FTO: variants seen among roughly 807,000 people sequenced by gnomAD.
FTO encodes alpha-ketoglutarate-dependent dioxygenase FTO.
In FTO, 47 loss-of-function variants were observed where a neutral mutation model predicts 63.9. That is an observed-to-expected ratio of 0.74 (90% CI 0.58 to 0.94). The LOEUF (loss-of-function observed/expected upper bound fraction) is 0.94. Ranked by LOEUF, FTO falls within the 40% of genes least tolerant of loss-of-function variation. FTO has a pLI of 0.00. For synonymous variants in FTO, 207 were observed against 224.4 expected, an observed-to-expected ratio of 0.92 and a Z score of 0.69; for missense variants, 562 against 618.1, an observed-to-expected ratio of 0.91 and a Z score of 0.96.
chr16:53,978,119 A>G (rs1453172299), intron 8 of FTO, among the ~76,000 whole-genome samples: 1 of 152,206 alleles, frequency 6.6e-6, no homozygotes, highest in Admixed American at 6.5e-5. Flanking sequence ...GAGGTTAGAG[A>G]AGACACTATT....
intron 7 of FTO, among the ~76,000 whole-genome samples, chr16:53,899,654 A>T (rs1033234926): frequency 2.6e-5 from 4 of 152,174 alleles, no homozygotes; most frequent in Admixed American, 6.6e-5. Flanking sequence ...GGATGTTCAG[A>T]TGACCAGTTT....
intron 4 of FTO, among the ~76,000 whole-genome samples, chr16:53,851,626 A>G (rs1230897284): frequency 2.6e-5 from 4 of 152,172 alleles, no homozygotes; most frequent in African/African-American, 9.7e-5. Context: ...TTATGTTGAC[A>G]TATTTAAATA....
intron 4 of FTO, 74 bp downstream of exon 4, chr16:53,844,372 T>A: frequency 8.5e-7 from 1 of 1,182,400 alleles, no homozygotes; most frequent in Non-Finnish European, 1.3e-6. Flanking sequence ...ATATTTTGAG[T>A]ATGTCTTATG....
At position 53,910,321 on chromosome 16, in the gene FTO, G is replaced by T. The variant is rs190619917; in HGVS notation, c.1239+21370G>T. Among the ~76,000 whole-genome samples the T allele has an allele frequency of 2.3e-3, 351 of 152,240 alleles. 2 individuals carry two copies. Among genetic ancestry groups the T allele is most frequent in the African/African-American group, 8.2e-3 (341 of 41,548 alleles). ...TTAGAAATTTGGCCTTTGTTCTGGAGACAGTGGTTGGAGCTGGATTCAAAG... is the reference window on the plus strand; with the variant it reads ...TTAGAAATTTGGCCTTTGTTCTGGATACAGTGGTTGGAGCTGGATTCAAAG... On this transcript the variant is annotated intron_variant, in intron 7 of 8. Coordinates refer to ENST00000471389, the MANE Select transcript of FTO (RefSeq NM_001080432.3).
intron 7 of FTO, among the ~76,000 whole-genome samples, chr16:53,927,633 C>T (rs1163331665): frequency 1.3e-5 from 2 of 152,090 alleles, no homozygotes; most frequent in South Asian, 2.1e-4. Flanking sequence ...CTTGGGATAA[C>T]AACAGTTCCT....
chr16:54,038,641 G>A (rs1213229978), intron 8 of FTO, among the ~76,000 whole-genome samples: 1 of 152,194 alleles, frequency 6.6e-6, no homozygotes, highest in African/African-American at 2.4e-5. Context: ...TGTCCTTGCA[G>A]TAATGAGTGA....
intron 8 of FTO, among the ~76,000 whole-genome samples, chr16:54,010,944 G>C (rs1202190712): frequency 6.6e-6 from 1 of 152,156 alleles, no homozygotes; most frequent in East Asian, 1.9e-4. Flanking sequence ...ATCCCCGAAA[G>C]TAAGTGATAT....
intron 8 of FTO, among the ~76,000 whole-genome samples, chr16:54,086,011 A>C (rs189599396): frequency 6.6e-6 from 1 of 152,208 alleles, no homozygotes; most frequent in African/African-American, 2.4e-5. Flanking sequence ...CAGGAGGACT[A>C]CTTTAATCCC....
intron 8 of FTO, among the ~76,000 whole-genome samples, chr16:54,090,129 C>A (rs2086350118): frequency 6.6e-6 from 1 of 152,128 alleles, no homozygotes; most frequent in Non-Finnish European, 1.5e-5. Context: ...TGGAAACAAC[C>A]CACATATCCA....
At chr16:53,997,104 CTCTA>C (rs2143957958) in intron 8 of FTO, among the ~76,000 whole-genome samples, 1 of 142,254 alleles carries the variant, frequency 7.0e-6, no homozygotes, top group East Asian at 2.1e-4. Context: ...TGGAGCAAGA[CTCTA>C]TCTAAAGAAA....
Position 53,826,317 on chromosome 16 carries a change from A to C in FTO, c.577A>C (p.Ile193Leu), listed in dbSNP as rs1212033225. Reference protein sequence around the residue: ...SSYNGQDEVDIKSRAAYNVTL... With the variant: ...SSYNGQDEVDLKSRAAYNVTL... ...CTACAACGGACAAGATGAAGTGGAC[A>C]TTAAGAGCAGAGCAGCATACAACGT... Residue 193 changes from isoleucine to leucine, a missense_variant, in exon 3 of 9, where the codon ATT becomes CTT. Transcript: ENST00000471389. 1.2e-6 allele frequency: 2 copies of C among 1,614,122 alleles called. No individual in the cohort carries two copies. The highest frequency in any genetic ancestry group is 8.5e-7 in the Non-Finnish European group (1 of 1,180,050).
intron 8 of FTO, among the ~76,000 whole-genome samples, chr16:54,030,219 C>T (rs2084797367): frequency 6.6e-6 from 1 of 152,152 alleles, no homozygotes; most frequent in Admixed American, 6.5e-5. Flanking sequence ...AATAATAGTT[C>T]TAGAATTCTG....
intron 8 of FTO, among the ~76,000 whole-genome samples, chr16:54,109,798 A>G (rs1391475343): frequency 2.0e-5 from 3 of 152,170 alleles, no homozygotes; most frequent in African/African-American, 7.2e-5. Flanking sequence ...GGCAAAACCC[A>G]TTTGACAGGT....
intron 7 of FTO, among the ~76,000 whole-genome samples, chr16:53,899,362 A>G (rs1376553613): frequency 6.6e-6 from 1 of 152,166 alleles, no homozygotes; most frequent in East Asian, 1.9e-4. Context: ...CCTCTTCTGG[A>G]AAAACTTAGT....
intron 8 of FTO, among the ~76,000 whole-genome samples, chr16:53,958,118 G>C (rs1401110351): frequency 6.6e-6 from 1 of 152,218 alleles, no homozygotes; most frequent in Non-Finnish European, 1.5e-5. Flanking sequence ...CTTTTCCCAA[G>C]TAGGTCAATC....
chr16:53,909,573 C>T (rs1555492148), intron 7 of FTO, among the ~76,000 whole-genome samples: 10 of 84,108 alleles, frequency 1.2e-4, no homozygotes, highest in African/African-American at 3.7e-4. Flanking sequence ...GAGACAGAGC[C>T]TTTTTTTTGA....
intron 8 of FTO, chr16:53,993,677 C>T (rs935194851): frequency 2.0e-5 from 3 of 152,204 alleles, no homozygotes; most frequent in East Asian, 3.8e-4. Flanking sequence ...TACCAATCCT[C>T]CTTTTGTAGC....
At chr16:53,827,302 G>C (rs2079032674) in intron 3 of FTO, among the ~76,000 whole-genome samples, 1 of 152,126 alleles carries the variant, frequency 6.6e-6, no homozygotes, top group Non-Finnish European at 1.5e-5. Context: ...AATGGTAGTT[G>C]AACAGATGGA....
chr16:53,873,664 C>T (rs2151879247), intron 4 of FTO, 122 bp from the exon 5 acceptor site: 1 of 748,676 alleles, frequency 1.3e-6, no homozygotes, highest in South Asian at 1.5e-5. Context: ...GTATTGATTC[C>T]TTGGTTATTG....
Sources: gnomAD v4.1 joint callset for allele counts (sites outside exome capture counted in the v4.1 genomes callset) on GRCh38, gnomAD v4.1.1 for gene constraint, MANE v1.5 for transcripts, NCBI Gene and HGNC (gene_info 2026-07-23, HGNC 2026-07-21) for gene names.